CASS4: variants seen among roughly 807,000 people sequenced by gnomAD.
CASS4 encodes the protein Cas scaffold protein family member 4, also known as cas scaffolding protein family member 4.
Under a neutral mutation model 54.2 loss-of-function variants are expected in CASS4, and 22 were observed. The ratio of observed to expected loss-of-function variants is 0.41; its 90% confidence interval spans 0.29 to 0.58. CASS4 has a LOEUF of 0.58. Ranked by LOEUF, CASS4 falls within the 20% of genes least tolerant of loss-of-function variation. The pLI is 0.36. For synonymous variants in CASS4, 409 were observed against 391.5 expected, an observed-to-expected ratio of 1.04 and a Z score of -0.53; for missense variants, 854 against 986.7, an observed-to-expected ratio of 0.87 and a Z score of 1.80.
intron 2 of CASS4, among the ~76,000 whole-genome samples, chr20:56,440,521 C>A (rs1036988411): frequency 2.6e-4 from 40 of 152,160 alleles, no homozygotes; most frequent in African/African-American, 8.7e-4. Flanking sequence ...AGGCTGGCAC[C>A]TCCTCCCTGC....
intron 3 of CASS4, among the ~76,000 whole-genome samples, chr20:56,447,340 G>A (rs371164856): frequency 5.3e-5 from 8 of 152,280 alleles, no homozygotes; most frequent in Admixed American, 2.6e-4. Flanking sequence ...AGCTCCTGCT[G>A]CCCAGCTTGG....
chr20:56,412,466 G>A lies in CASS4; in HGVS notation c.8G>A (p.Gly3Glu), dbSNP rs775780911. The change falls in exon 1 of 6, where the codon GGA becomes GAA. Residue 3 changes from glycine (G) to glutamate (E), a missense_variant. Coordinates refer to ENST00000679887, the MANE Select transcript of CASS4 (RefSeq NM_020356.4). The surrounding 1 kb of genome is among the most constrained non-coding windows in gnomAD (Gnocchi z 4.2). ...CTGCTCCACATCACCGACATGAAGGGAACAGGCATCATGGACTGTGCGCCC... is the reference window on the plus strand; with the variant it reads ...CTGCTCCACATCACCGACATGAAGGAAACAGGCATCATGGACTGTGCGCCC... MK[G>E]TGIMDCAPKA... 3.1e-6 allele frequency: 5 copies of A among 1,612,798 alleles called. No individual in the cohort carries two copies. The highest frequency in any genetic ancestry group is 4.2e-6 in the Non-Finnish European group (5 of 1,179,424).
At chr20:56,453,241 G>A (rs549234284) in intron 5 of CASS4, 112 bp downstream of exon 5, 7 of 722,192 alleles carry the variant, frequency 9.7e-6, no homozygotes, top group Admixed American at 6.1e-5. Flanking sequence ...GGGAGACACT[G>A]GTTCCATTTT....
chr20:56,452,708 A>G lies in CASS4; in HGVS notation c.1532A>G (p.Asn511Ser). ...HGTACNLTDSNLQNRIRDQMQ... is the reference protein window; with the variant it reads ...HGTACNLTDSSLQNRIRDQMQ... ...ACTGCCTGTAACCTCACTGACAGTAACCTTCAGAACAGAATTCGGGACCAG... is the reference window on the plus strand; with the variant it reads ...ACTGCCTGTAACCTCACTGACAGTAGCCTTCAGAACAGAATTCGGGACCAG... Residue 511 changes from asparagine to serine, a missense_variant, in exon 5 of 6, where the codon AAC becomes AGC. Asn to Ser is a conservative substitution (Grantham distance 46). Transcript: ENST00000679887. The G allele has an allele frequency of 6.2e-7, 1 of 1,614,142 alleles. No individual in the cohort carries two copies. Among genetic ancestry groups the G allele is most frequent in the East Asian group, 2.2e-5 (1 of 44,882 alleles).
chr20:56,421,829 TA>T (rs148546989), intron 1 of CASS4, among the ~76,000 whole-genome samples: 14,068 of 151,900 alleles, frequency 0.093, 868 homozygotes, highest in Non-Finnish European at 0.13. Flanking sequence ...CTTTTTTCCT[TA>T]AAAAAAGAAA....
intron 4 of CASS4, among the ~76,000 whole-genome samples, chr20:56,451,413 C>T (rs576537563): frequency 6.6e-6 from 1 of 152,200 alleles, no homozygotes; most frequent in Non-Finnish European, 1.5e-5. Context: ...CACACTTACA[C>T]CCAAGGTCAT....
At chr20:56,443,068 G>A (rs970969384) in intron 2 of CASS4, among the ~76,000 whole-genome samples, 6 of 151,694 alleles carry the variant, frequency 4.0e-5, no homozygotes, top group Non-Finnish European at 7.4e-5. Flanking sequence ...AAGGGTCTGC[G>A]GGGGGAGAAA....
chr20:56,422,635 C>T (rs1417079568), intron 1 of CASS4, among the ~76,000 whole-genome samples: 1 of 152,192 alleles, frequency 6.6e-6, no homozygotes. Flanking sequence ...CTCAAAGCCC[C>T]GTTAGTAGGC....
intron 5 of CASS4, among the ~76,000 whole-genome samples, chr20:56,455,485 C>T (rs1033380650): frequency 2.6e-5 from 4 of 152,220 alleles, no homozygotes; most frequent in African/African-American, 9.7e-5. Context: ...GAATTCAGGC[C>T]TCCTGATGCT....
At chr20:56,448,737 A>G (rs1980848079) in intron 3 of CASS4, among the ~76,000 whole-genome samples, 1 of 152,114 alleles carries the variant, frequency 6.6e-6, no homozygotes, top group Admixed American at 6.6e-5. Context: ...TGTTTTTTGT[A>G]TCCTAATATA....
chr20:56,420,322 G>A (rs750221595), intron 1 of CASS4, among the ~76,000 whole-genome samples: 1 of 152,180 alleles, frequency 6.6e-6, no homozygotes, highest in Non-Finnish European at 1.5e-5. Context: ...TCATCCCTGT[G>A]TCTTGGAGGT....
At chr20:56,450,911 G>A (rs1056117687) in intron 4 of CASS4, among the ~76,000 whole-genome samples, 1 of 151,916 alleles carries the variant, frequency 6.6e-6, no homozygotes, top group Non-Finnish European at 1.5e-5. Context: ...GTGGGCGCCT[G>A]TAATCCCAGC....
At chr20:56,450,799 C>T (rs1417230693) in intron 4 of CASS4, 120 bp downstream of exon 4, 15 of 839,286 alleles carry the variant, frequency 1.8e-5, no homozygotes, top group African/African-American at 3.4e-5. Flanking sequence ...TTTGAGAGGC[C>T]GAGGTGAGTG....
rs144490566 is a variant in CASS4 at position 56,428,728 on chromosome 20, T to C, written c.37-8436T>C. Among the ~76,000 whole-genome samples, 152 of 152,040 alleles carry C rather than the reference T, an allele frequency of 1.0e-3. 1 individual carries two copies. Among genetic ancestry groups the C allele is most frequent in the African/African-American group, 3.5e-3 (146 of 41,452 alleles). ...GGATGTAAGAGTTAGCAGATTAGAG[T>C]AGGAAACAGACTTGGACTTGGAAAG... is the stretch of plus-strand genomic sequence containing the variant. On this transcript the variant is annotated intron_variant, in intron 1 of 5. Transcript: ENST00000679887.
At chr20:56,417,497 T>C (rs925637021) in intron 1 of CASS4, among the ~76,000 whole-genome samples, 1 of 152,240 alleles carries the variant, frequency 6.6e-6, no homozygotes, top group Non-Finnish European at 1.5e-5. Context: ...CCTTCACTTA[T>C]TAAGATCTGA....
chr20:56,438,925 G>C (rs569528662), intron 2 of CASS4, among the ~76,000 whole-genome samples: 1 of 152,254 alleles, frequency 6.6e-6, no homozygotes, highest in Non-Finnish European at 1.5e-5. Context: ...GTGCATGTGT[G>C]CTCTCACACT....
Position 56,452,026 on chromosome 20 carries a change from A to G in CASS4, c.850A>G (p.Ser284Gly), listed in dbSNP as rs1203259754. The change falls in exon 5 of 6, where the codon AGT becomes GGT. Residue 284 changes from serine (S) to glycine (G), a missense_variant. Transcript: ENST00000679887. ...CAGCTCCACTTTCTACAATCCTCCA[A>G]GTGGCAGATCCAGGTCCCTCACTCC... ...SSSSTFYNPP[S>G]GRSRSLTPQL... The G allele has an allele frequency of 1.5e-5, 24 of 1,614,060 alleles. No individual in the cohort carries two copies. Among genetic ancestry groups the G allele is most frequent in the Non-Finnish European group, 1.9e-5 (23 of 1,180,056 alleles).
rs1979874829 is a variant in CASS4, at chr20:56,430,937, G to A, written c.37-6227G>A. On this transcript the variant is annotated intron_variant, in intron 1 of 5. Transcript: ENST00000679887. The surrounding 1 kb of genome is among the most constrained non-coding windows in gnomAD (Gnocchi z 4.2). Reference sequence around the variant, plus strand: ...CAAACTGGGAGGCTGATCCTGCCTCGAAGCCACACTAGGAAGGTGACCTTT... The same window carrying A: ...CAAACTGGGAGGCTGATCCTGCCTCAAAGCCACACTAGGAAGGTGACCTTT... 6.6e-6 allele frequency among the ~76,000 whole-genome samples: 1 copy of A among 152,188 alleles called. No homozygotes were observed. The highest frequency in any genetic ancestry group is 1.5e-5 in the Non-Finnish European group (1 of 68,018).
In CASS4 at chr20:56,453,054, C is replaced by A; in HGVS notation, c.1878C>A (p.Thr626=). 1.2e-6 allele frequency: 2 copies of A among 1,614,044 alleles called. No individual in the cohort carries two copies. The highest frequency in any genetic ancestry group is 1.7e-6 in the Non-Finnish European group (2 of 1,180,006). ...AAACTGAATCACACCAAAAGAGTACCCCTTCCACTAAGCAAAGGGAAGATG... is the reference window on the plus strand; with the variant it reads ...AAACTGAATCACACCAAAAGAGTACACCTTCCACTAAGCAAAGGGAAGATG... The part of the protein sequence containing the change: ...QRETESHQKS[T]PSTKQREDEH... The change falls in exon 5 of 6, where the codon ACC becomes ACA. Residue 626 remains threonine, a synonymous_variant. Transcript: ENST00000679887.
Sources: allele counts gnomAD v4.1 joint callset (sites outside exome capture counted in the v4.1 genomes callset), GRCh38; gene constraint gnomAD v4.1.1; non-coding constraint Gnocchi (gnomAD v3.1); transcripts MANE v1.5; gene names NCBI Gene and HGNC (gene_info 2026-07-23, HGNC 2026-07-21).